ESRRG: variants seen among roughly 807,000 people sequenced by gnomAD.
The protein encoded by ESRRG is estrogen related receptor gamma, also known as estrogen-related receptor gamma.
ESRRG carries 13 observed loss-of-function variants against 44.0 expected under a neutral mutation model. The ratio of observed to expected loss-of-function variants is 0.30; its 90% CI spans 0.19 to 0.47. ESRRG has a LOEUF of 0.47. ESRRG is among the 20% of genes least tolerant of loss of function. The pLI is 1.00. For synonymous variants in ESRRG, 215 were observed against 214.6 expected (o/e 1.00, Z -0.02); for missense variants, 395 against 580.6 (o/e 0.68, Z 3.29).
Position 216,506,341 on chromosome 1 carries a change from A to G in ESRRG, c.*598T>C. 3.5e-6 allele frequency: 1 copy of G among 284,282 alleles called. No homozygotes were observed. The highest frequency in any genetic ancestry group is 6.9e-6 in the Non-Finnish European group (1 of 144,680). The allele number at this position is 284,282 out of a possible 1,614,324, so 17.6% of individuals were successfully genotyped here. A position where few individuals can be genotyped will look rare whatever the true frequency, so the allele number is the denominator to read the frequency against. On this transcript the variant is annotated 3_prime_UTR_variant, in exon 7 of 7. Transcript: ENST00000408911. ...AAGTTCACTGGCATCCATATTATGG[A>G]TCTCCATCCTTTGGCAGGGCTGGCT...
intron 2 of ESRRG, among the ~76,000 whole-genome samples, chr1:216,807,647 C>A (rs191453513): frequency 2.0e-5 from 3 of 151,700 alleles, no homozygotes; most frequent in African/African-American, 2.4e-5. Flanking sequence ...CTGTGTTAGA[C>A]GGGAGAGAAC....
At chr1:216,726,381 C>A (rs1190080823), upstream of ESRRG, among the ~76,000 whole-genome samples, 2 of 152,118 alleles carry the variant, frequency 1.3e-5, no homozygotes, top group Admixed American at 6.6e-5. Flanking sequence ...GAATATTTTA[C>A]AAATACACAG....
chr1:216,527,853 AC>A (rs1279699396), intron 5 of ESRRG, among the ~76,000 whole-genome samples: 4 of 152,132 alleles, frequency 2.6e-5, no homozygotes, highest in Non-Finnish European at 5.9e-5. Flanking sequence ...AGTGTAAGTG[AC>A]CCCTGAAGTA....
At chr1:216,728,152 G>T (rs1032116616), upstream of ESRRG, among the ~76,000 whole-genome samples, 11 of 152,102 alleles carry the variant, frequency 7.2e-5, no homozygotes, top group Non-Finnish European at 1.5e-4. Context: ...TCTATAATCT[G>T]CATGGCATGT....
At chr1:216,710,894 A>G (rs1455331748) in intron 1 of ESRRG, among the ~76,000 whole-genome samples, 1 of 152,202 alleles carries the variant, frequency 6.6e-6, no homozygotes, top group East Asian at 1.9e-4. Context: ...GAAATGCACT[A>G]CTAAGGGAAA....
At chr1:216,629,815 T>C (rs147869326) in intron 3 of ESRRG, among the ~76,000 whole-genome samples, 1 of 152,250 alleles carries the variant, frequency 6.6e-6, no homozygotes, top group Admixed American at 6.5e-5. Context: ...TTAGGCAAAA[T>C]ACCAAATCAT....
chr1:217,007,621 T>G (rs2077937145), intron 1 of ESRRG, among the ~76,000 whole-genome samples: 1 of 152,204 alleles, frequency 6.6e-6, no homozygotes, highest in South Asian at 2.1e-4. Context: ...CATAAAATTC[T>G]TCTCCTTCCT....
chr1:216,939,436 C>T (rs1231317978), intron 2 of ESRRG: 1 of 146,434 alleles, frequency 6.8e-6, no homozygotes, highest in Non-Finnish European at 1.5e-5. Flanking sequence ...AACATTATAC[C>T]TTACTATGAA....
At chr1:216,779,436 A>T (rs1459167813) in intron 2 of ESRRG, among the ~76,000 whole-genome samples, 1 of 86,690 alleles carries the variant, frequency 1.2e-5, no homozygotes, top group East Asian at 3.4e-4. Flanking sequence ...ATTTATTTAT[A>T]AAAATAAATA....
intron 1 of ESRRG, among the ~76,000 whole-genome samples, chr1:216,993,581 C>T (rs1447091099): frequency 6.6e-6 from 1 of 152,132 alleles, no homozygotes; most frequent in African/African-American, 2.4e-5. Context: ...GAATCAGATA[C>T]CTCCATTACT....
intron 1 of ESRRG, among the ~76,000 whole-genome samples, chr1:216,943,673 T>C (rs1403144842): frequency 6.6e-6 from 1 of 152,172 alleles, no homozygotes; most frequent in East Asian, 1.9e-4. Flanking sequence ...AGTGAATGGA[T>C]AGCAGAAGTA....
At chr1:217,134,294 T>C (rs574352653) in intron 1 of ESRRG, among the ~76,000 whole-genome samples, 65 of 152,190 alleles carry the variant, frequency 4.3e-4, no homozygotes, top group African/African-American at 1.5e-3. Flanking sequence ...CCTGCTAATC[T>C]ATCCGCAAAG....
At chr1:216,659,448 C>T (rs1016458201) in intron 2 of ESRRG, among the ~76,000 whole-genome samples, 5 of 152,162 alleles carry the variant, frequency 3.3e-5, no homozygotes, top group African/African-American at 1.2e-4. Context: ...CACTTCCTGT[C>T]TCTACCTTGG....
chr1:216,772,917 A>T (rs921144121), intron 2 of ESRRG, among the ~76,000 whole-genome samples: 1 of 152,002 alleles, frequency 6.6e-6, no homozygotes, highest in Admixed American at 6.6e-5. Flanking sequence ...TTGGGGGAAA[A>T]ATCAGAACTT....
intron 3 of ESRRG, among the ~76,000 whole-genome samples, chr1:216,601,339 T>A (rs562897544): frequency 6.6e-6 from 1 of 151,952 alleles, no homozygotes; most frequent in East Asian, 1.9e-4. Context: ...GCTGCGCGCG[T>A]CCGGAGCCGA....
chr1:216,510,430 C>T (rs2148766554), intron 6 of ESRRG, among the ~76,000 whole-genome samples: 1 of 152,060 alleles, frequency 6.6e-6, no homozygotes, highest in Admixed American at 6.5e-5. Flanking sequence ...GAAAGAGATC[C>T]TAAAAAAATG....
intron 5 of ESRRG, among the ~76,000 whole-genome samples, chr1:216,535,267 C>A (rs1252841624): frequency 1.3e-5 from 2 of 152,062 alleles, no homozygotes; most frequent in Non-Finnish European, 2.9e-5. Flanking sequence ...TCCTCATCTG[C>A]CAAATAAGGT....
intron 2 of ESRRG, among the ~76,000 whole-genome samples, chr1:216,787,599 CAAA>C (rs34433548): frequency 0.11 from 8,275 of 76,298 alleles, 310 homozygotes; most frequent in African/African-American, 0.21. Flanking sequence ...AAGACTCCAT[CAAA>C]AAAAAAAAAA....
chr1:216,746,511 A>C (rs2091419035), intron 2 of ESRRG, among the ~76,000 whole-genome samples: 1 of 152,176 alleles, frequency 6.6e-6, no homozygotes, highest in African/African-American at 2.4e-5. Flanking sequence ...CTTTTAAAAG[A>C]ATTCTTTGCT....
Sources: gnomAD v4.1 joint callset for allele counts (sites outside exome capture counted in the v4.1 genomes callset) on GRCh38, gnomAD v4.1.1 for gene constraint, MANE v1.5 for transcripts, NCBI Gene and HGNC (gene_info 2026-07-23, HGNC 2026-07-21) for gene names.